The following CCSER2 variants were observed in gnomAD, a reference collection of about 807,000 sequenced individuals.
The protein encoded by CCSER2 is serine-rich coiled-coil domain-containing protein 2.
A neutral mutation model predicts 92.3 loss-of-function variants in CCSER2; 46 were observed. The ratio of observed to expected loss-of-function variants is 0.50; its 90% CI spans 0.39 to 0.64. CCSER2 has a LOEUF of 0.64. Ranked by LOEUF, CCSER2 falls within the 30% of genes least tolerant of loss-of-function variation. The pLI is 0.00. For missense variants in CCSER2, 1,244 were observed against 1,238.9 expected (o/e 1.00, Z -0.06); for synonymous variants, 433 against 431.4 (o/e 1.00, Z -0.04).
chr10:84,334,314 G>C (rs1016389069), intron 1 of CCSER2, among the ~76,000 whole-genome samples: 14 of 152,016 alleles, frequency 9.2e-5, no homozygotes, highest in African/African-American at 3.4e-4. Flanking sequence ...ACTTCTGCTT[G>C]CTACAGGTGC....
At chr10:84,392,008 T>G in intron 3 of CCSER2, 1 of 1,311,942 alleles carries the variant, frequency 7.6e-7, no homozygotes, top group Non-Finnish European at 1.1e-6. Flanking sequence ...CAGTTTCCTC[T>G]TCCCTTAAAA....
At position 84,438,604 on chromosome 10, in the gene CCSER2, C is replaced by A. The variant is rs774978865; in HGVS notation, c.1961C>A (p.Pro654Gln). 2 of 1,613,108 alleles carry A rather than the reference C, an allele frequency of 1.2e-6. No individual in the cohort carries two copies. The highest frequency in any genetic ancestry group is 1.7e-6 in the Non-Finnish European group (2 of 1,179,252). ...GCTCAGAAGATGTTTGTTGATGTAC[C>A]AGAAAATACAGTGATACTGGATGAG... The part of the protein sequence containing the change: ...FQAQKMFVDV[P>Q]ENTVILDEMT... Residue 654 changes from proline to glutamine, a missense_variant, in exon 6 of 10, where the codon CCA (proline) becomes CAA (glutamine). By Grantham distance (76) the Pro-to-Gln change is moderately conservative. Transcript: ENST00000372088.
At chr10:84,446,137 A>G (rs118129922) in intron 6 of CCSER2, among the ~76,000 whole-genome samples, 3,210 of 152,248 alleles carry the variant, frequency 0.021, 57 homozygotes, top group Non-Finnish European at 0.035. Context: ...TTGACCTTGC[A>G]ATAAGAAATG....
intron 7 of CCSER2, among the ~76,000 whole-genome samples, chr10:84,465,613 A>G (rs575841847): frequency 4.9e-4 from 75 of 152,210 alleles, no homozygotes; most frequent in African/African-American, 1.7e-3. Context: ...GGCATGAGCC[A>G]TCGCACCCGG....
At chr10:84,359,418 A>G (rs775112503) in intron 1 of CCSER2, among the ~76,000 whole-genome samples, 3 of 152,172 alleles carry the variant, frequency 2.0e-5, no homozygotes, top group Non-Finnish European at 2.9e-5. Context: ...GTGGTTCCAC[A>G]GTGTTTGTGT....
intron 9 of CCSER2, among the ~76,000 whole-genome samples, chr10:84,509,502 C>T (rs555712833): frequency 5.7e-4 from 87 of 152,306 alleles, no homozygotes; most frequent in African/African-American, 1.8e-3. Context: ...CTTTGCACAA[C>T]CCCCCTGTAG....
rs1177451114 is a variant in CCSER2, at chr10:84,372,410, C to T, written c.1358C>T (p.Pro453Leu). 6.3e-7 allele frequency: 1 copy of T among 1,591,920 alleles called. No homozygotes were observed. Among genetic ancestry groups the T allele is most frequent in the African/African-American group, 1.4e-5 (1 of 73,202 alleles). The change falls in exon 2 of 10, where the codon CCC becomes CTC. Residue 453 changes from proline to leucine, a missense_variant. Coordinates refer to ENST00000372088, the MANE Select transcript of CCSER2 (RefSeq NM_001284240.2). The stretch of plus-strand genomic sequence containing the variant: ...CCACCACAGGATATGTTTGATTCCC[C>T]CAAGGAAAATGAAAAAGCCTTCAGT... ...NGPPQDMFDS[P>L]KENEKAFSKT...
intron 8 of CCSER2, among the ~76,000 whole-genome samples, chr10:84,472,443 C>T (rs1377415246): frequency 6.6e-6 from 1 of 152,046 alleles, no homozygotes; most frequent in Non-Finnish European, 1.5e-5. Context: ...TGGTGGTTCA[C>T]GCCTGTAGTC....
intron 9 of CCSER2, among the ~76,000 whole-genome samples, chr10:84,487,469 A>T (rs1847878177): frequency 2.0e-5 from 3 of 152,042 alleles, no homozygotes; most frequent in Admixed American, 2.0e-4. Flanking sequence ...TGTCCCTTGT[A>T]AGTTGGATTC....
Position 84,514,308 on chromosome 10 carries a change from T to A in CCSER2, c.*41T>A. On this transcript the variant is annotated 3_prime_UTR_variant, in exon 10 of 10. Coordinates refer to ENST00000372088, the MANE Select transcript of CCSER2 (RefSeq NM_001284240.2). The stretch of plus-strand genomic sequence containing the variant: ...CTGCCAATTTGTTTCTTAAAAACAA[T>A]CTCTTCTGTAATAGCTTTATGTGCA... 1 of 1,368,990 alleles carries A rather than the reference T, an allele frequency of 7.3e-7. No individual in the cohort carries two copies. The highest frequency in any genetic ancestry group is 9.9e-7 in the Non-Finnish European group (1 of 1,006,988). 84.8% of individuals were successfully genotyped at this position (1,368,990 alleles called of 1,614,324 possible).
At chr10:84,335,391 T>C (rs1589376015) in intron 1 of CCSER2, among the ~76,000 whole-genome samples, 1 of 151,798 alleles carries the variant, frequency 6.6e-6, no homozygotes, top group South Asian at 2.1e-4. Context: ...TACAGGCATG[T>C]ACCACCATGC....
chr10:84,514,286 CCAAT>C lies in CCSER2; in HGVS notation c.*20_*23del. On this transcript the variant is annotated 3_prime_UTR_variant, in exon 10 of 10. Transcript: ENST00000372088. ...ACATTAAGTACATAGCCATCACCTGCCAATTTGTTTCTTAAAAACAATCTCTTCT... is the reference window on the plus strand; with the variant it reads ...ACATTAAGTACATAGCCATCACCTGCTTGTTTCTTAAAAACAATCTCTTCT... The C allele has an allele frequency of 6.7e-7, 1 of 1,484,612 alleles. No homozygotes were observed. 92.0% of individuals were successfully genotyped at this position (1,484,612 alleles called of 1,614,324 possible). A position where few individuals can be genotyped will look rare whatever the true frequency, so the allele number is the denominator to read the frequency against.
chr10:84,450,899 T>C (rs1215682490), intron 6 of CCSER2, among the ~76,000 whole-genome samples: 2 of 152,202 alleles, frequency 1.3e-5, no homozygotes, highest in African/African-American at 4.8e-5. Context: ...AATCTGAGTG[T>C]ATAATAAATT....
chr10:84,432,852 G>A (rs371833802), intron 5 of CCSER2, among the ~76,000 whole-genome samples: 9 of 152,040 alleles, frequency 5.9e-5, no homozygotes, highest in East Asian at 3.9e-4. Context: ...TTATAGTTTC[G>A]CATTTTGCAT....
intron 9 of CCSER2, among the ~76,000 whole-genome samples, chr10:84,502,921 C>A (rs1041777884): frequency 1.3e-5 from 2 of 151,992 alleles, no homozygotes; most frequent in Non-Finnish European, 2.9e-5. Context: ...GTTCAAACTG[C>A]GTTGAAGAAT....
At chr10:84,429,149 G>C (rs940792606) in intron 5 of CCSER2, among the ~76,000 whole-genome samples, 1 of 152,014 alleles carries the variant, frequency 6.6e-6, no homozygotes, top group African/African-American at 2.4e-5. Context: ...GGAAGAGTTT[G>C]TGAAGGATTT....
chr10:84,359,848 C>G (rs997602501), intron 1 of CCSER2, among the ~76,000 whole-genome samples: 9 of 151,788 alleles, frequency 5.9e-5, no homozygotes, highest in Admixed American at 2.0e-4. Context: ...GAGTCTCACT[C>G]TGTTGTCCAG....
At chr10:84,475,522 G>A (rs1847087722) in intron 8 of CCSER2, among the ~76,000 whole-genome samples, 1 of 152,078 alleles carries the variant, frequency 6.6e-6, no homozygotes, top group African/African-American at 2.4e-5. Context: ...GTACAAAAGT[G>A]ATACTCATTC....
chr10:84,334,248 T>C (rs2132973208), intron 1 of CCSER2, among the ~76,000 whole-genome samples: 1 of 152,266 alleles, frequency 6.6e-6, no homozygotes, highest in South Asian at 2.1e-4. Context: ...TCCGTTGTTA[T>C]TGACTACTTA....
Sources: gnomAD v4.1 joint callset for allele counts (sites outside exome capture counted in the v4.1 genomes callset) on GRCh38, gnomAD v4.1.1 for gene constraint, MANE v1.5 for transcripts, NCBI Gene and HGNC (gene_info 2026-07-23, HGNC 2026-07-21) for gene names.